Variants in GPR26 observed in about 807,000 individuals in gnomAD.
GPR26 encodes G protein-coupled receptor 26.
Under a neutral mutation model 23.1 loss-of-function variants are expected in GPR26, and 15 were observed. The ratio of observed to expected loss-of-function variants is 0.65; its 90% CI spans 0.43 to 1.00. The LOEUF (loss-of-function observed/expected upper bound fraction) is 1.00, where lower values mean the gene tolerates loss of function less well. Ranked by LOEUF, GPR26 falls within the 50% of genes least tolerant of loss-of-function variation. The pLI is 0.00. For synonymous variants in GPR26, 228 were observed against 222.1 expected, an observed-to-expected ratio of 1.03 and a Z score of -0.24; for missense variants, 359 against 470.5, an observed-to-expected ratio of 0.76 and a Z score of 2.19.
At chr10:123,684,289 G>T (rs370225314) in intron 2 of GPR26, among the ~76,000 whole-genome samples, 3 of 152,128 alleles carry the variant, frequency 2.0e-5, no homozygotes, top group South Asian at 4.2e-4. Context: ...TGTTCCTGGG[G>T]CTGCTAATCT....
intron 2 of GPR26, among the ~76,000 whole-genome samples, chr10:123,680,710 T>C (rs1382121627): frequency 2.6e-5 from 4 of 152,020 alleles, no homozygotes; most frequent in African/African-American, 9.7e-5. Flanking sequence ...GGAATGTCCC[T>C]TCATTTTTAA....
intron 2 of GPR26, among the ~76,000 whole-genome samples, chr10:123,676,171 C>T (rs755509775): frequency 1.3e-5 from 2 of 152,126 alleles, no homozygotes; most frequent in Non-Finnish European, 2.9e-5. Flanking sequence ...GAGTCCAGCT[C>T]TCTTCTTCTT....
intron 2 of GPR26, among the ~76,000 whole-genome samples, chr10:123,680,815 G>GGGGGGGGGGGGTGT (rs1845363458): frequency 2.4e-5 from 1 of 41,086 alleles, no homozygotes; most frequent in African/African-American, 1.2e-4. Context: ...TTTTTGTTTT[G>GGGGGGGGGGGGTGT]TTTTGTTTTT....
chr10:123,685,681 G>C (rs1207273133), intron 2 of GPR26, among the ~76,000 whole-genome samples: 2 of 152,226 alleles, frequency 1.3e-5, no homozygotes, highest in African/African-American at 4.8e-5. Flanking sequence ...GACCTCATGG[G>C]AAAGGGGTTC....
Position 123,688,839 on chromosome 10 carries a change from A to C in GPR26, c.*679A>C, listed in dbSNP as rs1564734089. On this transcript the variant is annotated 3_prime_UTR_variant, in exon 3 of 3. Coordinates refer to ENST00000284674, the MANE Select transcript of GPR26 (RefSeq NM_153442.4). ...GTCCTCTCCTTCCCCCTAAAAGCGA[A>C]TGTTTGTGTGTGCAGACAATCTTAG... 6.5e-6 allele frequency: 1 copy of C among 153,038 alleles called. No homozygotes were observed. Among genetic ancestry groups the C allele is most frequent in the Non-Finnish European group, 1.5e-5 (1 of 68,696 alleles). The allele number at this position is 153,038 out of a possible 1,614,324, so 9.5% of individuals were successfully genotyped here. A position where few individuals can be genotyped will look rare whatever the true frequency, so the allele number is the denominator to read the frequency against.
intron 2 of GPR26, among the ~76,000 whole-genome samples, chr10:123,677,922 CTT>C (rs1355474532): frequency 2.0e-5 from 3 of 152,164 alleles, no homozygotes; most frequent in African/African-American, 7.2e-5. Context: ...AGCTCTGAGA[CTT>C]AGCATGACAC....
intron 2 of GPR26, among the ~76,000 whole-genome samples, chr10:123,687,166 C>T (rs1380465985): frequency 6.6e-6 from 1 of 152,046 alleles, no homozygotes; most frequent in East Asian, 1.9e-4. Flanking sequence ...ATGAAGGTCC[C>T]TTTAGGATCA....
At chr10:123,686,277 T>C (rs1404709572) in intron 2 of GPR26, among the ~76,000 whole-genome samples, 1 of 152,238 alleles carries the variant, frequency 6.6e-6, no homozygotes, top group African/African-American at 2.4e-5. Flanking sequence ...ATTCAGCTAA[T>C]TCATTGTTAT....
intron 1 of GPR26, among the ~76,000 whole-genome samples, chr10:123,672,390 C>G (rs535801477): frequency 5.9e-5 from 9 of 152,212 alleles, no homozygotes; most frequent in Admixed American, 5.9e-4. Flanking sequence ...GATGTGAACC[C>G]CAGGCACAGC....
rs776487078 is a variant in GPR26, at chr10:123,666,596, G to T, written c.189G>T (p.Thr63=). Residue 63 remains threonine, a synonymous_variant, in exon 1 of 3, where the codon ACG becomes ACT. Transcript: ENST00000284674. ...GCACCGTGGTCAACATGCCGCTCAC[G>T]CTGGCCGGCGTCGTGGCGCAGCGGC... ...LLCTVVNMPL[T]LAGVVAQRQP... is the part of the protein sequence containing the mutation. The T allele has an allele frequency of 6.3e-7, 1 of 1,593,300 alleles. No individual in the cohort carries two copies. Among genetic ancestry groups the T allele is most frequent in the Admixed American group, 1.7e-5 (1 of 58,182 alleles).
intron 2 of GPR26, among the ~76,000 whole-genome samples, chr10:123,680,493 C>T (rs61585815): frequency 6.6e-6 from 1 of 152,318 alleles, no homozygotes; most frequent in African/African-American, 2.4e-5. Flanking sequence ...ACCAGGCAGC[C>T]TGAGCCCATC....
intron 1 of GPR26, among the ~76,000 whole-genome samples, chr10:123,671,395 C>G (rs1415667265): frequency 1.3e-5 from 2 of 152,138 alleles, no homozygotes; most frequent in African/African-American, 4.8e-5. Flanking sequence ...GGACCTCTCC[C>G]CTCCCCCGCT....
intron 2 of GPR26, among the ~76,000 whole-genome samples, chr10:123,675,847 T>TGTGTGTGTGTAC (rs1845303763): frequency 7.1e-6 from 1 of 140,832 alleles, no homozygotes; most frequent in African/African-American, 2.6e-5. Flanking sequence ...TGTGTGTGTG[T>TGTGTGTGTGTAC]GTGTGTGTAA....
chr10:123,678,113 T>G (rs1177402477), intron 2 of GPR26, among the ~76,000 whole-genome samples: 1 of 152,242 alleles, frequency 6.6e-6, no homozygotes, highest in East Asian at 1.9e-4. Flanking sequence ...CTAGTAATTT[T>G]ATATAGAATT....
At position 123,694,538 on chromosome 10, in the gene GPR26, AAAT is replaced by A. The variant is rs10577678; in HGVS notation, c.*6381_*6383del. 24,065 of 151,814 alleles carry A rather than the reference AAAT, an allele frequency of 0.16. 2,229 individuals carry two copies. Among genetic ancestry groups the A allele is most frequent in the East Asian group, 0.38 (1,942 of 5,116 alleles). The allele number at this position is 151,814 out of a possible 1,614,324, so 9.4% of individuals were successfully genotyped here. ...AAAAAAGAGAAGGAAGAAAGAAAAGAAATAAGAAGAGAAGCAAGACAGAAAAGA... is the reference window on the plus strand; with the variant it reads ...AAAAAAGAGAAGGAAGAAAGAAAAGAAAGAAGAGAAGCAAGACAGAAAAGA... On this transcript the variant is annotated 3_prime_UTR_variant, in exon 3 of 3. Transcript: ENST00000284674.
rs1461717393 is a variant in GPR26, at chr10:123,691,691, C to T, written c.*3531C>T. ...GGGAGCATCATGGGAAAAAGAGGTC[C>T]GAGTCATATTTAGGGCTTCATGTGT... On this transcript the variant is annotated 3_prime_UTR_variant, in exon 3 of 3. Coordinates refer to ENST00000284674, the MANE Select transcript of GPR26 (RefSeq NM_153442.4). 1 of 152,120 alleles carries T rather than the reference C, an allele frequency of 6.6e-6. No individual in the cohort carries two copies. Among genetic ancestry groups the T allele is most frequent in the East Asian group, 1.9e-4 (1 of 5,180 alleles). 9.4% of individuals were successfully genotyped at this position (152,120 alleles called of 1,614,324 possible).
intron 1 of GPR26, among the ~76,000 whole-genome samples, chr10:123,670,257 C>T (rs1358764909): frequency 6.6e-6 from 1 of 152,118 alleles, no homozygotes; most frequent in Non-Finnish European, 1.5e-5. Context: ...AATTGTGGCT[C>T]AGTAGACAGG....
At chr10:123,675,528 A>G (rs1219809) in intron 2 of GPR26, among the ~76,000 whole-genome samples, 151,797 of 152,256 alleles carry the variant, frequency 1, 75,671 homozygotes, top group East Asian at 1. Context: ...GCCAGCCAAG[A>G]TTGCAATACA....
rs7894657 is a variant in GPR26 at position 123,671,047 on chromosome 10, G to T, written c.669-3771G>T. Among the ~76,000 whole-genome samples the T allele has an allele frequency of 3.4e-4, 52 of 152,294 alleles. 1 individual carries two copies. The South Asian group carries it at 9.3e-3, about 27-fold the overall frequency. ...GTGTCCTGACCCCAAACTCAGGGCT[G>T]TTGCCCTCCATCAGTCGGCTTGTTC... On this transcript the variant is annotated intron_variant, in intron 1 of 2. Coordinates refer to ENST00000284674, the MANE Select transcript of GPR26 (RefSeq NM_153442.4).
Sources: gnomAD v4.1 joint callset for allele counts (sites outside exome capture counted in the v4.1 genomes callset) on GRCh38, gnomAD v4.1.1 for gene constraint, MANE v1.5 for transcripts, NCBI Gene and HGNC (gene_info 2026-07-23, HGNC 2026-07-21) for gene names.